The following PCED1B variants were observed in gnomAD, a reference collection of about 807,000 sequenced individuals.
The protein encoded by PCED1B is PC-esterase domain containing 1B.
For synonymous variants in PCED1B, 251 were observed against 246.1 expected (o/e 1.02, Z -0.19); for missense variants, 573 against 573.9 (o/e 1.00, Z 0.02).
chr12:47,081,254 T>C (rs2137128429), intron 1 of PCED1B, among the ~76,000 whole-genome samples: 1 of 152,234 alleles, frequency 6.6e-6, no homozygotes, highest in Non-Finnish European at 1.5e-5. Flanking sequence ...ATAGATAACT[T>C]GTAATATTAC....
intron 2 of PCED1B, among the ~76,000 whole-genome samples, chr12:47,109,890 A>G (rs1186326510): frequency 3.3e-5 from 5 of 152,210 alleles, no homozygotes; most frequent in African/African-American, 1.2e-4. Context: ...AAGAATGGGA[A>G]TCACTGAACA....
intron 2 of PCED1B, among the ~76,000 whole-genome samples, chr12:47,152,478 G>A (rs1442752235): frequency 1.3e-5 from 2 of 152,182 alleles, no homozygotes; most frequent in Non-Finnish European, 2.9e-5. Flanking sequence ...AGAGAGTAAA[G>A]ATAAAGGAAT....
chr12:47,157,494 G>A (rs551659148), intron 2 of PCED1B, among the ~76,000 whole-genome samples: 7 of 152,214 alleles, frequency 4.6e-5, no homozygotes, highest in Non-Finnish European at 1.0e-4. Flanking sequence ...GGAGGTTGAG[G>A]CAGGAAGGTC....
At chr12:47,203,612 A>G (rs915163119) in intron 2 of PCED1B, among the ~76,000 whole-genome samples, 8 of 151,076 alleles carry the variant, frequency 5.3e-5, no homozygotes, top group African/African-American at 1.7e-4. Flanking sequence ...ATGGCTTCCA[A>G]CTCCATCTCT....
chr12:47,129,165 T>C lies in PCED1B; in HGVS notation c.-526+24970T>C, dbSNP rs1430134668. On this transcript the variant is annotated intron_variant, in intron 2 of 3. Transcript: ENST00000546455. ...TATTTCCCTGCCATATTCCTATCTGTACATCTCAAGTTAAAATTCCCTTAA... is the reference window on the plus strand; with the variant it reads ...TATTTCCCTGCCATATTCCTATCTGCACATCTCAAGTTAAAATTCCCTTAA... Among the ~76,000 whole-genome samples, 9 of 152,318 alleles carry C rather than the reference T, an allele frequency of 5.9e-5. No individual in the cohort carries two copies. The East Asian group carries it at 1.7e-3, about 29-fold the overall frequency.
intron 2 of PCED1B, among the ~76,000 whole-genome samples, chr12:47,135,030 T>C (rs1413454231): frequency 1.3e-5 from 2 of 152,210 alleles, no homozygotes; most frequent in Admixed American, 6.5e-5. Flanking sequence ...CATTACAGTA[T>C]CTTTTAGGAA....
intron 3 of PCED1B, among the ~76,000 whole-genome samples, chr12:47,230,138 G>T (rs970108164): frequency 7.0e-6 from 1 of 142,298 alleles, no homozygotes; most frequent in African/African-American, 2.6e-5. Flanking sequence ...AGGCTGGAGT[G>T]CAGTGGCAGG....
At chr12:47,165,816 C>T (rs1370187590) in intron 2 of PCED1B, among the ~76,000 whole-genome samples, 1 of 152,102 alleles carries the variant, frequency 6.6e-6, no homozygotes, top group East Asian at 1.9e-4. Context: ...CACATTAGTC[C>T]TCTATTCAAT....
At chr12:47,213,380 T>G (rs1395649967) in intron 2 of PCED1B, among the ~76,000 whole-genome samples, 1 of 152,132 alleles carries the variant, frequency 6.6e-6, no homozygotes, top group Admixed American at 6.5e-5. Context: ...AAAACATAGT[T>G]TTGTGATTTG....
intron 2 of PCED1B, among the ~76,000 whole-genome samples, chr12:47,179,800 G>A (rs574583714): frequency 6.6e-6 from 1 of 151,696 alleles, no homozygotes; most frequent in East Asian, 1.9e-4. Context: ...AGGCAAAACA[G>A]ACCATAATCT....
At chr12:47,129,260 C>T (rs1852061186) in intron 2 of PCED1B, among the ~76,000 whole-genome samples, 1 of 152,126 alleles carries the variant, frequency 6.6e-6, no homozygotes, top group African/African-American at 2.4e-5. Context: ...ATCTCTTGAG[C>T]TCAGGAGTTT....
intron 2 of PCED1B, among the ~76,000 whole-genome samples, chr12:47,117,215 T>C (rs1939460312): frequency 6.6e-6 from 1 of 152,318 alleles, no homozygotes; most frequent in Non-Finnish European, 1.5e-5. Flanking sequence ...TTTTTTATTA[T>C]ACTTTAAGTT....
intron 2 of PCED1B, among the ~76,000 whole-genome samples, chr12:47,198,465 C>T (rs1942671897): frequency 6.6e-6 from 1 of 152,060 alleles, no homozygotes; most frequent in African/African-American, 2.4e-5. Context: ...TCTTAGGAAA[C>T]TAGATTCTTT....
intron 1 of PCED1B, among the ~76,000 whole-genome samples, chr12:47,103,395 T>C (rs1022639489): frequency 6.6e-6 from 1 of 152,192 alleles, no homozygotes; most frequent in Non-Finnish European, 1.5e-5. Context: ...AGATGCGCAC[T>C]GCAGCAGGGC....
At chr12:47,213,530 T>C (rs1281663455) in intron 2 of PCED1B, among the ~76,000 whole-genome samples, 2 of 152,156 alleles carry the variant, frequency 1.3e-5, no homozygotes, top group African/African-American at 4.8e-5. Context: ...CCCAAGAAGA[T>C]AAGAAAAATA....
intron 1 of PCED1B, among the ~76,000 whole-genome samples, chr12:47,103,431 G>A (rs984583992): frequency 6.6e-6 from 1 of 152,176 alleles, no homozygotes; most frequent in African/African-American, 2.4e-5. Flanking sequence ...CATCTGCACT[G>A]CCAGAAGCCA....
Position 47,236,137 on chromosome 12 carries a change from T to C in PCED1B, c.1074T>C (p.Asp358=), listed in dbSNP as rs1291539600. ...FQSDQFYCHS[D]VPSSAHAGFF... ...CGGATCAATTCTATTGCCATTCAGA[T>C]GTCCCCTCATCAGCCCATGCAGGTT... is the stretch of plus-strand genomic sequence containing the variant. Residue 358 remains aspartate, a synonymous_variant, in exon 4 of 4, where the codon GAT becomes GAC. Transcript: ENST00000546455. 6.8e-6 allele frequency: 11 copies of C among 1,614,168 alleles called. 1 individual carries two copies. The highest frequency in any genetic ancestry group is 5.5e-5 in the South Asian group (5 of 91,084).
chr12:47,212,791 C>T (rs544115787), intron 2 of PCED1B, among the ~76,000 whole-genome samples: 2 of 152,340 alleles, frequency 1.3e-5, no homozygotes, highest in South Asian at 2.1e-4. Flanking sequence ...GTCTGCTTAG[C>T]ACTTTGCAGG....
At chr12:47,175,800 G>A (rs1445558074) in intron 2 of PCED1B, among the ~76,000 whole-genome samples, 2 of 151,976 alleles carry the variant, frequency 1.3e-5, no homozygotes, top group African/African-American at 2.4e-5. Context: ...TCGAACTCCT[G>A]ACCTCAGGTG....
Sources: allele counts gnomAD v4.1 joint callset (sites outside exome capture counted in the v4.1 genomes callset), GRCh38; gene constraint gnomAD v4.1.1; transcripts MANE v1.5; gene names NCBI Gene and HGNC (gene_info 2026-07-23, HGNC 2026-07-21).